The following GOPC variants were observed in gnomAD, a reference collection of about 807,000 sequenced individuals.
GOPC encodes Golgi-associated PDZ and coiled-coil motif-containing protein.
A neutral mutation model predicts 51.2 loss-of-function variants in GOPC; 32 were observed. That is an observed-to-expected ratio of 0.63 (90% CI 0.47 to 0.84). The LOEUF is 0.84. GOPC is among the 40% of genes least tolerant of loss of function. The pLI is 0.00. For missense variants in GOPC, 441 were observed against 555.5 expected, an observed-to-expected ratio of 0.79 and a Z score of 2.07; for synonymous variants, 190 against 205.1, an observed-to-expected ratio of 0.93 and a Z score of 0.63.
At position 117,563,136 on chromosome 6, in the gene GOPC, G is replaced by T; in HGVS notation, c.*118C>A. 1.1e-6 allele frequency: 1 copy of T among 871,096 alleles called. No individual in the cohort carries two copies. The highest frequency in any genetic ancestry group is 1.8e-6 in the Non-Finnish European group (1 of 550,384). 54.0% of individuals were successfully genotyped at this position (871,096 alleles called of 1,614,324 possible). On this transcript the variant is annotated 3_prime_UTR_variant, in exon 9 of 9. Coordinates refer to ENST00000368498, the MANE Select transcript of GOPC (RefSeq NM_020399.4). ...GTTCACATGAAGCCCTGAGGTACCC[G>T]CCTTTCATTTAGGCAACAAACAGCC...
At chr6:117,573,020 A>G (rs1779829938) in intron 5 of GOPC, among the ~76,000 whole-genome samples, 1 of 152,162 alleles carries the variant, frequency 6.6e-6, no homozygotes, top group Non-Finnish European at 1.5e-5. Context: ...CTCAAATTCT[A>G]TCTTAATCCA....
At chr6:117,567,330 A>G (rs1161239708) in intron 7 of GOPC, among the ~76,000 whole-genome samples, 1 of 152,212 alleles carries the variant, frequency 6.6e-6, no homozygotes, top group Non-Finnish European at 1.5e-5. Context: ...AAATTTATAG[A>G]ATTTTGGAAC....
chr6:117,569,861 C>A, intron 6 of GOPC, 125 bp from the exon 7 acceptor site: 1 of 1,084,444 alleles, frequency 9.2e-7, no homozygotes, highest in Non-Finnish European at 1.2e-6. Flanking sequence ...TCTATAAATG[C>A]TGGGTAAAAT....
rs1779595233 is a variant in GOPC, at chr6:117,562,082, A to AG, written c.*1171dup. 4.9e-6 allele frequency: 1 copy of AG among 206,006 alleles called. No individual in the cohort carries two copies. The highest frequency in any genetic ancestry group is 5.9e-5 in the Admixed American group (1 of 16,928). The allele number at this position is 206,006 out of a possible 1,614,324, so 12.8% of individuals were successfully genotyped here. On this transcript the variant is annotated 3_prime_UTR_variant, in exon 9 of 9. Coordinates refer to ENST00000368498, the MANE Select transcript of GOPC (RefSeq NM_020399.4). ...ATGCAATGTTGTGACTTTGCCTAGC[A>AG]GGTTACAATGACCTGCAGAATATTA...
chr6:117,595,219 A>G (rs1459323117), intron 1 of GOPC, among the ~76,000 whole-genome samples: 1 of 152,204 alleles, frequency 6.6e-6, no homozygotes, highest in African/African-American at 2.4e-5. Context: ...GGTGTCCAGC[A>G]TATGGTATTT....
At chr6:117,568,070 G>C (rs1025068455) in intron 7 of GOPC, among the ~76,000 whole-genome samples, 2 of 151,438 alleles carry the variant, frequency 1.3e-5, no homozygotes, top group Non-Finnish European at 2.9e-5. Context: ...ATGGTGGCAG[G>C]CATCTGTAGT....
chr6:117,580,927 T>G (rs1247022187), intron 1 of GOPC, among the ~76,000 whole-genome samples: 1 of 152,102 alleles, frequency 6.6e-6, no homozygotes, highest in Non-Finnish European at 1.5e-5. Context: ...GGATGTGCAA[T>G]GGAAGATTAG....
rs1000596641 is a variant in GOPC at position 117,561,108 on chromosome 6, T to C, written c.*2146A>G. ...TCTCCCGTAGGCTTATAAACCACAGTGAAGCAGGAATGAAAAGGAAACTGA... is the reference window on the plus strand; with the variant it reads ...TCTCCCGTAGGCTTATAAACCACAGCGAAGCAGGAATGAAAAGGAAACTGA... On this transcript the variant is annotated 3_prime_UTR_variant, in exon 9 of 9. Transcript: ENST00000368498. 1 of 223,316 alleles carries C rather than the reference T, an allele frequency of 4.5e-6. No homozygotes were observed. Among genetic ancestry groups the C allele is most frequent in the African/African-American group, 2.2e-5 (1 of 44,748 alleles). The allele number at this position is 223,316 out of a possible 1,614,324, so 13.8% of individuals were successfully genotyped here.
At position 117,560,845 on chromosome 6, in the gene GOPC, G is replaced by C. The variant is rs1009319510; in HGVS notation, c.*2409C>G. On this transcript the variant is annotated 3_prime_UTR_variant, in exon 9 of 9. Transcript: ENST00000368498. ...GTATTTCTCCTTCTGTCCCCTTCTCGATGAAATGGCTTTGCAACAGTTCCC... is the reference window on the plus strand; with the variant it reads ...GTATTTCTCCTTCTGTCCCCTTCTCCATGAAATGGCTTTGCAACAGTTCCC... The C allele has an allele frequency of 4.7e-6, 1 of 214,000 alleles. No individual in the cohort carries two copies. The highest frequency in any genetic ancestry group is 5.9e-5 in the Admixed American group (1 of 17,060). The allele number at this position is 214,000 out of a possible 1,614,324, so 13.3% of individuals were successfully genotyped here.
At chr6:117,573,767 A>G in intron 4 of GOPC, 135 bp from the exon 5 acceptor site, 2 of 632,292 alleles carry the variant, frequency 3.2e-6, no homozygotes, top group South Asian at 6.5e-5. Flanking sequence ...GAACTTCTTG[A>G]TGTCTCTCAG....
At chr6:117,596,816 A>G (rs1362879825) in intron 1 of GOPC, among the ~76,000 whole-genome samples, 31 of 152,144 alleles carry the variant, frequency 2.0e-4, no homozygotes. Flanking sequence ...AAAGTCAGGT[A>G]ACCTAATGCC....
chr6:117,568,765 C>G (rs1779748676), intron 7 of GOPC, among the ~76,000 whole-genome samples: 1 of 152,138 alleles, frequency 6.6e-6, no homozygotes, highest in African/African-American at 2.4e-5. Flanking sequence ...ATGGAATGGA[C>G]TGGTTGATAT....
chr6:117,569,267 G>A (rs998359248), intron 7 of GOPC, among the ~76,000 whole-genome samples: 3 of 152,162 alleles, frequency 2.0e-5, no homozygotes, highest in Admixed American at 1.3e-4. Flanking sequence ...GTCCTGTTCT[G>A]AGTACTTTAT....
At chr6:117,567,720 T>C (rs1034960995) in intron 7 of GOPC, among the ~76,000 whole-genome samples, 3 of 152,044 alleles carry the variant, frequency 2.0e-5, no homozygotes, top group Non-Finnish European at 2.9e-5. Flanking sequence ...TAGTCTCTTT[T>C]ACATGAACGA....
At chr6:117,586,297 A>G (rs1468146192) in intron 1 of GOPC, among the ~76,000 whole-genome samples, 3 of 152,124 alleles carry the variant, frequency 2.0e-5, no homozygotes, top group Non-Finnish European at 4.4e-5. Context: ...ATACTAATGT[A>G]TTAGTTATTG....
In GOPC at chr6:117,602,372, C is replaced by A. The variant is rs1772034100; in HGVS notation, c.-84G>T. 2 of 1,384,156 alleles carry A rather than the reference C, an allele frequency of 1.4e-6. No individual in the cohort carries two copies. Among genetic ancestry groups the A allele is most frequent in the Non-Finnish European group, 1.9e-6 (2 of 1,050,858 alleles). The allele number at this position is 1,384,156 out of a possible 1,614,324, so 85.7% of individuals were successfully genotyped here. ...GGGAACTGCTGGGACTGAGGGGACCCCCGCGCGCGCGGGCACACTCCGTCA... is the reference window on the plus strand; with the variant it reads ...GGGAACTGCTGGGACTGAGGGGACCACCGCGCGCGCGGGCACACTCCGTCA... On this transcript the variant is annotated 5_prime_UTR_variant, in exon 1 of 9. Transcript: ENST00000368498.
chr6:117,565,614 TATC>T (rs1316064078), intron 8 of GOPC, among the ~76,000 whole-genome samples: 3 of 152,180 alleles, frequency 2.0e-5, no homozygotes, highest in Non-Finnish European at 2.9e-5. Context: ...CATTCATTAA[TATC>T]ATCATCAATC....
At chr6:117,593,356 T>C (rs941805570) in intron 1 of GOPC, among the ~76,000 whole-genome samples, 4 of 152,236 alleles carry the variant, frequency 2.6e-5, no homozygotes, top group Non-Finnish European at 5.9e-5. Context: ...TAATATTAAC[T>C]ACCCCACTCT....
intron 1 of GOPC, among the ~76,000 whole-genome samples, chr6:117,588,538 A>G (rs1006788166): frequency 6.6e-6 from 1 of 152,164 alleles, no homozygotes; most frequent in African/African-American, 2.4e-5. Flanking sequence ...AGCCTCCCAA[A>G]GTGCAAGGAT....
Sources: allele counts gnomAD v4.1 joint callset (sites outside exome capture counted in the v4.1 genomes callset), GRCh38; gene constraint gnomAD v4.1.1; transcripts MANE v1.5; gene names NCBI Gene and HGNC (gene_info 2026-07-23, HGNC 2026-07-21).